KAZN: variants seen among roughly 807,000 people sequenced by gnomAD.
KAZN encodes kazrin.
A neutral mutation model predicts 87.4 loss-of-function variants in KAZN; 40 were observed. The ratio of observed to expected loss-of-function variants is 0.46; its 90% CI spans 0.36 to 0.60. The LOEUF (loss-of-function observed/expected upper bound fraction) is 0.60, where lower values mean the gene tolerates loss of function less well. Ranked by LOEUF, KAZN falls within the 20% of genes least tolerant of loss-of-function variation. The probability of loss-of-function intolerance (pLI) is 0.00; values close to 1 mark genes in which losing one functional copy is unlikely to be tolerated. For missense variants in KAZN, 898 were observed against 1,073.9 expected (o/e 0.84, Z 2.29); for synonymous variants, 466 against 458.3 (o/e 1.02, Z -0.22).
chr1:14,399,957 C>T (rs975752810), intron 2 of KAZN, among the ~76,000 whole-genome samples: 27 of 152,106 alleles, frequency 1.8e-4, no homozygotes, highest in African/African-American at 6.0e-4. Flanking sequence ...GTGTATCAAG[C>T]TCTCAGTAAG....
chr1:14,349,294 G>T (rs952551959), intron 2 of KAZN: 2 of 152,256 alleles, frequency 1.3e-5, no homozygotes, highest in African/African-American at 4.8e-5. Context: ...AGTCTTCGAA[G>T]AGAGATTAAG....
At chr1:14,275,455 T>TGTGTGTGTGTGG (rs1460763403) in intron 2 of KAZN, among the ~76,000 whole-genome samples, 1 of 134,714 alleles carries the variant, frequency 7.4e-6, no homozygotes, top group Non-Finnish European at 1.7e-5. Context: ...TGTGTGTGTG[T>TGTGTGTGTGTGG]GTGTGTGTGT....
At chr1:14,491,612 G>A (rs927980396) in intron 2 of KAZN, among the ~76,000 whole-genome samples, 7 of 152,122 alleles carry the variant, frequency 4.6e-5, no homozygotes, top group Admixed American at 1.3e-4. Context: ...GTTTTAGCTC[G>A]ATATTATTTG....
At chr1:14,127,798 T>C (rs1431492297) in intron 1 of KAZN, among the ~76,000 whole-genome samples, 2 of 152,082 alleles carry the variant, frequency 1.3e-5, no homozygotes, top group African/African-American at 4.8e-5. Flanking sequence ...AGTTGGTGCT[T>C]TGAGTCGGTG....
chr1:14,232,089 A>C (rs1324703470), intron 2 of KAZN, among the ~76,000 whole-genome samples: 1 of 152,222 alleles, frequency 6.6e-6, no homozygotes, highest in African/African-American at 2.4e-5. Flanking sequence ...TGGGAAATGT[A>C]GTCTGGCTGG....
chr1:15,051,156 C>A (rs761917365), intron 4 of KAZN, among the ~76,000 whole-genome samples: 1 of 152,374 alleles, frequency 6.6e-6, no homozygotes, highest in Non-Finnish European at 1.5e-5. Context: ...CCCAGAGAAA[C>A]ATTCCCTAGA....
In KAZN at chr1:13,942,817, C is replaced by T. The variant is rs1402813576; in HGVS notation, c.91+49061C>T. ...GCTAGAATCTATAAAAATTAGATAA[C>T]AACTCTAGAACTGAGAAGTACTTTA... On this transcript the variant is annotated intron_variant, in intron 1 of 16. Coordinates refer to the KAZN transcript ENST00000636203. Among the ~76,000 whole-genome samples the T allele has an allele frequency of 3.9e-5, 6 of 152,020 alleles. 1 individual carries two copies. The highest frequency in any genetic ancestry group is 4.1e-4 in the South Asian group (2 of 4,824).
rs181217675 is a variant in KAZN, at chr1:14,691,675, C to T, written c.226+92452C>T. On this transcript the variant is annotated intron_variant, in intron 1 of 14. Coordinates refer to ENST00000376030, the MANE Select transcript of KAZN (RefSeq NM_201628.3). ...CTACTTTTTATATTTTTAGTAGATA[C>T]GGGGTTTTGCCATGTTGGCCAGGCT... Among the ~76,000 whole-genome samples, 206 of 152,190 alleles carry T rather than the reference C, an allele frequency of 1.4e-3. 1 individual carries two copies. Among genetic ancestry groups the T allele is most frequent in the Non-Finnish European group, 2.5e-3 (172 of 67,984 alleles).
chr1:14,439,160 G>C (rs974235378), intron 2 of KAZN, among the ~76,000 whole-genome samples: 3 of 152,114 alleles, frequency 2.0e-5, no homozygotes, highest in Non-Finnish European at 4.4e-5. Flanking sequence ...AACCTGCCCT[G>C]CTCACAGTGT....
At chr1:14,061,135 G>A (rs1440549137) in intron 1 of KAZN, among the ~76,000 whole-genome samples, 1 of 152,174 alleles carries the variant, frequency 6.6e-6, no homozygotes, top group East Asian at 1.9e-4. Flanking sequence ...AGCAAACGGG[G>A]GAGTATTCAC....
rs566003700 is a variant in KAZN at position 14,796,400 on chromosome 1, C to T, written c.227-164284C>T. 1.6e-3 allele frequency among the ~76,000 whole-genome samples: 241 copies of T among 152,300 alleles called. 1 individual carries two copies. The highest frequency in any genetic ancestry group is 2.5e-3 in the Non-Finnish European group (171 of 68,036). On this transcript the variant is annotated intron_variant, in intron 1 of 14. Coordinates refer to ENST00000376030, the MANE Select transcript of KAZN (RefSeq NM_201628.3). ...CTGCATTCAGACCAGCCTGTGACAA[C>T]CACATCTCCACCACCCCGCCTTCAC...
chr1:14,903,518 A>G (rs1656165922), intron 1 of KAZN, among the ~76,000 whole-genome samples: 1 of 152,138 alleles, frequency 6.6e-6, no homozygotes, highest in South Asian at 2.1e-4. Flanking sequence ...GGATCCGGGG[A>G]GAGGGCTGGA....
intron 2 of KAZN, among the ~76,000 whole-genome samples, chr1:14,375,141 C>T (rs749280149): frequency 5.9e-5 from 9 of 152,072 alleles, no homozygotes; most frequent in African/African-American, 9.7e-5. Flanking sequence ...TGTATTTTAG[C>T]GTCTATTAAC....
rs1676773686 is a variant in KAZN at position 14,599,459 on chromosome 1, G to A, written c.226+236G>A. Among the ~76,000 whole-genome samples the A allele has an allele frequency of 6.6e-6, 1 of 152,142 alleles. No homozygotes were observed. The highest frequency in any genetic ancestry group is 2.4e-5 in the African/African-American group (1 of 41,434). ...GGGGTCACACGGTCACACCGGCCCC[G>A]GCCAGCCTGAGCGAGGCGCAGCCGG... On this transcript the variant is annotated intron_variant, in intron 1 of 14. Coordinates refer to ENST00000376030, the MANE Select transcript of KAZN (RefSeq NM_201628.3). This position sits in a 1 kb window ranked among gnomAD's most constrained non-coding sequence, Gnocchi z 4.4.
At chr1:14,135,386 G>A (rs371594985) in intron 1 of KAZN, among the ~76,000 whole-genome samples, 1 of 152,194 alleles carries the variant, frequency 6.6e-6, no homozygotes, top group Non-Finnish European at 1.5e-5. Flanking sequence ...GCTTTGACTA[G>A]TTCTTAAAAG....
intron 2 of KAZN, among the ~76,000 whole-genome samples, chr1:14,414,957 T>C (rs772662972): frequency 4.0e-5 from 6 of 151,838 alleles, no homozygotes; most frequent in East Asian, 1.9e-4. Flanking sequence ...ACCCAGGAGG[T>C]AGAAGTTGTA....
At chr1:14,955,657 G>A (rs1178737310) in intron 1 of KAZN, among the ~76,000 whole-genome samples, 1 of 152,226 alleles carries the variant, frequency 6.6e-6, no homozygotes, top group African/African-American at 2.4e-5. Context: ...GCAGGGCTTA[G>A]GCATCAGGTA....
chr1:14,065,299 G>A (rs1282507761), intron 1 of KAZN, among the ~76,000 whole-genome samples: 1 of 152,086 alleles, frequency 6.6e-6, no homozygotes, highest in Admixed American at 6.5e-5. Flanking sequence ...GAATTTTGCT[G>A]GCATAGTTCC....
chr1:14,217,804 C>T (rs1571045109), intron 2 of KAZN, among the ~76,000 whole-genome samples: 1 of 152,020 alleles, frequency 6.6e-6, no homozygotes, highest in Non-Finnish European at 1.5e-5. Flanking sequence ...GCAAAAAGAT[C>T]AAATCACTTA....
Sources: allele counts gnomAD v4.1 joint callset (sites outside exome capture counted in the v4.1 genomes callset), GRCh38; gene constraint gnomAD v4.1.1; non-coding constraint Gnocchi (gnomAD v3.1); transcripts MANE v1.5; gene names NCBI Gene and HGNC (gene_info 2026-07-23, HGNC 2026-07-21).